The following CTBP2 variants were observed in gnomAD, a reference collection of about 807,000 sequenced individuals.
CTBP2 encodes the protein C-terminal-binding protein 2.
CTBP2 carries 30 observed loss-of-function variants against 80.3 expected under a neutral mutation model. That is an observed-to-expected ratio of 0.37 (90% confidence interval 0.28 to 0.51). The LOEUF is 0.51. Ranked by LOEUF, CTBP2 falls within the 20% of genes least tolerant of loss-of-function variation. The probability of loss-of-function intolerance (pLI) is 0.93; values close to 1 mark genes in which losing one functional copy is unlikely to be tolerated. For synonymous variants in CTBP2, 594 were observed against 587.4 expected, an observed-to-expected ratio of 1.01 and a Z score of -0.16; for missense variants, 1,212 against 1,375.3, an observed-to-expected ratio of 0.88 and a Z score of 1.88.
At chr10:125,157,547 G>A (rs1336810731) in intron 1 of CTBP2, among the ~76,000 whole-genome samples, 1 of 152,066 alleles carries the variant, frequency 6.6e-6, no homozygotes, top group East Asian at 1.9e-4. Context: ...CCACAGGGAT[G>A]TAACTGGGGT....
intron 2 of CTBP2, 45 bp from the exon 3 acceptor site, chr10:125,039,200 G>A (rs571239940): frequency 4.2e-4 from 279 of 660,430 alleles, no homozygotes; most frequent in East Asian, 3.6e-4. Flanking sequence ...AGACCCTCTG[G>A]GCACAGGACA....
In CTBP2 at chr10:124,984,641, A is replaced by T; in HGVS notation, c.*4877T>A. 1 of 874,364 alleles carries T rather than the reference A, an allele frequency of 1.1e-6. No homozygotes were observed. The highest frequency in any genetic ancestry group is 1.7e-6 in the Non-Finnish European group (1 of 579,714). 54.2% of individuals were successfully genotyped at this position (874,364 alleles called of 1,614,324 possible). On this transcript the variant is annotated 3_prime_UTR_variant, in exon 9 of 9. Transcript: ENST00000309035. ...TAATCACAAAACTTCCAAGAGGTCA[A>T]AACCATGTGAAAAGTTGATTGCTTT... is the stretch of plus-strand genomic sequence containing the variant.
At chr10:125,135,423 C>G (rs1218737892) in intron 1 of CTBP2, among the ~76,000 whole-genome samples, 1 of 152,174 alleles carries the variant, frequency 6.6e-6, no homozygotes, top group Non-Finnish European at 1.5e-5. Context: ...ATATGACCGT[C>G]CCCATCCCAT....
At chr10:125,128,490 T>C (rs1328473419) in intron 1 of CTBP2, among the ~76,000 whole-genome samples, 1 of 152,170 alleles carries the variant, frequency 6.6e-6, no homozygotes, top group Non-Finnish European at 1.5e-5. Context: ...GGCCCCACCC[T>C]AATATAGAGG....
At chr10:125,002,573 G>GTTTAGGGGACACACACGGCAGGGGTCA (rs1954676558) in intron 3 of CTBP2, among the ~76,000 whole-genome samples, 2 of 152,152 alleles carry the variant, frequency 1.3e-5, no homozygotes, top group Non-Finnish European at 2.9e-5. Flanking sequence ...GGCAGGGGCA[G>GTTTAGGGGACACACACGGCAGGGGTCA]TTTAGGGGAC....
intron 1 of CTBP2, among the ~76,000 whole-genome samples, chr10:125,012,766 G>C (rs1184049025): frequency 1.3e-5 from 2 of 152,212 alleles, no homozygotes; most frequent in African/African-American, 2.4e-5. Context: ...CAGCCTTCCA[G>C]ATGGGGTTTC....
Position 124,988,274 on chromosome 10 carries a change from T to TA in CTBP2, c.*1243dup, listed in dbSNP as rs1554942956. The TA allele has an allele frequency of 6.5e-6, 1 of 152,690 alleles. No individual in the cohort carries two copies. The highest frequency in any genetic ancestry group is 2.4e-5 in the African/African-American group (1 of 41,462). The allele number at this position is 152,690 out of a possible 1,614,324, so 9.5% of individuals were successfully genotyped here. A position where few individuals can be genotyped will look rare whatever the true frequency, so the allele number is the denominator to read the frequency against. ...TGGCTAATTGACAATGCAATTGCCT[T>TA]AAACATCTCAAGTAGAGAACATTTA... is the stretch of plus-strand genomic sequence containing the variant. On this transcript the variant is annotated 3_prime_UTR_variant, in exon 9 of 9. Transcript: ENST00000309035.
intron 1 of CTBP2, among the ~76,000 whole-genome samples, chr10:125,144,527 A>T (rs933105697): frequency 3.3e-5 from 5 of 152,232 alleles, no homozygotes; most frequent in African/African-American, 9.6e-5. Flanking sequence ...AAATTCCCCG[A>T]TCAAGATAAA....
chr10:125,129,117 T>C (rs559047017), intron 1 of CTBP2, among the ~76,000 whole-genome samples: 11 of 152,348 alleles, frequency 7.2e-5, no homozygotes, highest in African/African-American at 2.6e-4. Context: ...ATATGCTGTG[T>C]ATAATGTACA....
chr10:125,020,611 A>C (rs1956944480), intron 1 of CTBP2, among the ~76,000 whole-genome samples: 1 of 152,112 alleles, frequency 6.6e-6, no homozygotes, highest in Non-Finnish European at 1.5e-5. Context: ...CCTTTAAACC[A>C]ACAGCAAGCG....
At chr10:125,126,318 T>A (rs1855243517) in intron 1 of CTBP2, among the ~76,000 whole-genome samples, 1 of 152,294 alleles carries the variant, frequency 6.6e-6, no homozygotes, top group East Asian at 1.9e-4. Context: ...AAATAGGCAG[T>A]CATGAAACTT....
At chr10:125,065,098 C>G (rs959251263) in intron 2 of CTBP2, among the ~76,000 whole-genome samples, 1 of 152,196 alleles carries the variant, frequency 6.6e-6, no homozygotes, top group Non-Finnish European at 1.5e-5. Flanking sequence ...GAAAATACAT[C>G]GTACTGTCCC....
chr10:125,030,482 A>C (rs1958061400), upstream of CTBP2, among the ~76,000 whole-genome samples: 1 of 152,210 alleles, frequency 6.6e-6, no homozygotes, highest in Non-Finnish European at 1.5e-5. Flanking sequence ...AGAGCTGGGA[A>C]GAGAGGCCAG....
chr10:125,049,074 C>T lies in CTBP2; in HGVS notation c.-101-9919G>A, dbSNP rs928645792. 3.1e-5 allele frequency among the ~76,000 whole-genome samples: 4 copies of T among 130,806 alleles called. No homozygotes were observed. In the Admixed American group the frequency reaches 3.1e-4, roughly 10 times the overall value. 85.8% of individuals were successfully genotyped at this position (130,806 alleles called of 152,430 possible). ...ACACACACACACACACACACACACA[C>T]ACACACACACACACACACGTCCACC... On this transcript the variant is annotated intron_variant, in intron 2 of 10. Transcript: ENST00000337195.
At chr10:125,114,107 T>C (rs563684658) in intron 1 of CTBP2, among the ~76,000 whole-genome samples, 10 of 152,340 alleles carry the variant, frequency 6.6e-5, no homozygotes, top group African/African-American at 2.4e-4. Flanking sequence ...GCAGGATTTC[T>C]CTAAGAACTT....
intron 2 of CTBP2, among the ~76,000 whole-genome samples, chr10:125,083,605 C>T (rs541737205): frequency 6.6e-6 from 1 of 152,208 alleles, no homozygotes; most frequent in South Asian, 2.1e-4. Flanking sequence ...CACCTTAGTC[C>T]GAACAAGCAC....
chr10:125,137,017 C>A (rs1321007651), intron 1 of CTBP2, among the ~76,000 whole-genome samples: 2 of 152,206 alleles, frequency 1.3e-5, no homozygotes, highest in Non-Finnish European at 2.9e-5. Context: ...GCACTGACAT[C>A]ACCGCCGAAA....
chr10:125,004,248 A>G (rs1954932757), intron 1 of CTBP2, among the ~76,000 whole-genome samples: 1 of 152,174 alleles, frequency 6.6e-6, no homozygotes, highest in African/African-American at 2.4e-5. Flanking sequence ...GGCTGCATCT[A>G]GACGTTCAGC....
intron 2 of CTBP2, among the ~76,000 whole-genome samples, chr10:125,063,489 T>C (rs181356311): frequency 6.6e-6 from 1 of 152,318 alleles, no homozygotes; most frequent in East Asian, 1.9e-4. Context: ...AAAGGCCTCA[T>C]GCACGATCCT....
Sources: allele counts gnomAD v4.1 joint callset (sites outside exome capture counted in the v4.1 genomes callset), GRCh38; gene constraint gnomAD v4.1.1; transcripts MANE v1.5; gene names NCBI Gene and HGNC (gene_info 2026-07-23, HGNC 2026-07-21).